Variants in TRRAP observed in about 807,000 individuals in gnomAD.
TRRAP encodes the protein transformation/transcription domain associated protein.
TRRAP carries 41 observed loss-of-function variants against 438.8 expected under a neutral mutation model. The ratio of observed to expected loss-of-function variants is 0.09; its 90% confidence interval spans 0.07 to 0.12. TRRAP has a LOEUF of 0.12. TRRAP is among the 10% of genes least tolerant of loss of function. The probability of loss-of-function intolerance (pLI) is 1.00; values close to 1 mark genes in which losing one functional copy is unlikely to be tolerated. For synonymous variants in TRRAP, 1,994 were observed against 1,962.9 expected, an observed-to-expected ratio of 1.02 and a Z score of -0.42; for missense variants, 3,122 against 5,055.1, an observed-to-expected ratio of 0.62 and a Z score of 11.60.
In TRRAP at chr7:98,956,239, C is replaced by T. The variant is rs1479861721; in HGVS notation, c.6031C>T (p.Arg2011Trp). ...FTPSVTIEQRRLAVDLSEVVI... is the reference protein window; with the variant it reads ...FTPSVTIEQRWLAVDLSEVVI... ...GCCCAGTGTCACCATCGAGCAGAGG[C>T]GGCTGGCCGTGGACCTGTCTGAAGT... The change falls in exon 42 of 73, where the codon CGG (arginine) becomes TGG (tryptophan). Residue 2011 changes from arginine (R) to tryptophan (W), a missense_variant. Transcript: ENST00000456197. This position sits in a 1 kb window ranked among gnomAD's most constrained non-coding sequence, Gnocchi z 4.5. 1.2e-6 allele frequency: 2 copies of T among 1,613,966 alleles called. No individual in the cohort carries two copies. Among genetic ancestry groups the T allele is most frequent in the Non-Finnish European group, 1.7e-6 (2 of 1,180,050 alleles).
At chr7:98,988,520 G>A (rs1225973710) in intron 62 of TRRAP, among the ~76,000 whole-genome samples, 1 of 152,160 alleles carries the variant, frequency 6.6e-6, no homozygotes, top group Non-Finnish European at 1.5e-5. Flanking sequence ...AAGATCACAT[G>A]GTGTATGATT....
intron 30 of TRRAP, among the ~76,000 whole-genome samples, chr7:98,938,869 C>T (rs1436400911): frequency 6.6e-6 from 1 of 152,142 alleles, no homozygotes; most frequent in Non-Finnish European, 1.5e-5. Flanking sequence ...AAATTGCTCT[C>T]CAAAGAAATT....
intron 56 of TRRAP, among the ~76,000 whole-genome samples, chr7:98,977,622 C>T (rs1054388606): frequency 2.0e-5 from 3 of 152,204 alleles, no homozygotes; most frequent in African/African-American, 7.2e-5. Flanking sequence ...TTTTCCCTCC[C>T]GTCGTTGGTC....
chr7:98,943,156 A>G (rs1411565105), intron 31 of TRRAP, 139 bp downstream of exon 31: 6 of 777,002 alleles, frequency 7.7e-6, no homozygotes, highest in Middle Eastern at 3.7e-4. Flanking sequence ...TGTTAAACAC[A>G]TTTGATTGGT....
In TRRAP at chr7:98,965,692, G is replaced by A. The variant is rs185310254; in HGVS notation, c.6977-4G>A. The A allele has an allele frequency of 5.6e-6, 9 of 1,613,970 alleles. No homozygotes were observed. The East Asian group carries it at 1.8e-4, about 32-fold the overall frequency. The stretch of plus-strand genomic sequence containing the variant: ...GTGGGTTTGTTCTTAATTGGGGCGA[G>A]CAGGTACAAGCGAGCTGGTGATGCT... On this transcript the variant is annotated splice_region_variant and splice_polypyrimidine_tract_variant and intron_variant, in intron 48 of 72. Coordinates refer to ENST00000456197, the MANE Select transcript of TRRAP (RefSeq NM_001375524.1).
chr7:98,881,337 C>T, intron 2 of TRRAP, 87 bp downstream of exon 2: 1 of 1,257,224 alleles, frequency 8.0e-7, no homozygotes, highest in South Asian at 1.6e-5. Context: ...CTTTGGGAGG[C>T]CGAGGCGGGT....
In TRRAP at chr7:98,910,281, C is replaced by G. The variant is rs1554408510; in HGVS notation, c.1576C>G (p.Pro526Ala). The change falls in exon 15 of 73, where the codon CCC (proline) becomes GCC (alanine). Residue 526 changes from proline to alanine, a missense_variant. By Grantham distance (27) the Pro-to-Ala change is conservative. Transcript: ENST00000456197. ...CCCTGTGACCCCGGCCCCCGTGCCT[C>G]CCTTCGAGAAGCAAGGAGAAAAGGA... is the stretch of plus-strand genomic sequence containing the variant. The part of the protein sequence containing the change: ...ATPVTPAPVP[P>A]FEKQGEKDKE... The G allele has an allele frequency of 1.2e-6, 2 of 1,602,646 alleles. No individual in the cohort carries two copies. Among genetic ancestry groups the G allele is most frequent in the Admixed American group, 1.7e-5 (1 of 59,606 alleles).
chr7:98,969,553 G>A (rs539251241), intron 51 of TRRAP, among the ~76,000 whole-genome samples: 6 of 152,372 alleles, frequency 3.9e-5, no homozygotes, highest in Admixed American at 6.5e-5. Context: ...CCCAGTGGGT[G>A]CTCAGGGAAT....
chr7:98,883,447 A>G (rs1298368260), intron 3 of TRRAP, among the ~76,000 whole-genome samples: 22 of 152,194 alleles, frequency 1.4e-4, no homozygotes, highest in African/African-American at 4.8e-4. Flanking sequence ...TCTAGTATTA[A>G]AGCCAACATT....
intron 64 of TRRAP, among the ~76,000 whole-genome samples, 171 bp from the exon 65 acceptor site, chr7:98,991,965 CT>C (rs1259510318): frequency 6.6e-6 from 1 of 152,206 alleles, no homozygotes; most frequent in Non-Finnish European, 1.5e-5. Context: ...ATTTTGCCTG[CT>C]GTTGAACCTG....
At chr7:98,895,880 G>A in intron 7 of TRRAP, 60 bp downstream of exon 7, 2 of 1,396,064 alleles carry the variant, frequency 1.4e-6, no homozygotes, top group South Asian at 1.3e-5. Context: ...ATTCCAAAAA[G>A]ACTTTAGAAC....
Position 98,993,457 on chromosome 7 carries a change from G to C in TRRAP, c.9848-81G>C, listed in dbSNP as rs73711462. 5.7e-4 allele frequency: 829 copies of C among 1,456,466 alleles called. 3 individuals carry two copies. The African/African-American group carries it at 0.011, about 19-fold the overall frequency. The allele number at this position is 1,456,466 out of a possible 1,614,324, so 90.2% of individuals were successfully genotyped here. A position where few individuals can be genotyped will look rare whatever the true frequency, so the allele number is the denominator to read the frequency against. Reference sequence around the variant, plus strand: ...CGCCGGCAGGAACCAGCGCTCCTTTGGCCCATGGGTCCTGCAGCGCTCCGA... The same window carrying C: ...CGCCGGCAGGAACCAGCGCTCCTTTCGCCCATGGGTCCTGCAGCGCTCCGA... On this transcript the variant is annotated intron_variant, in intron 65 of 72. Transcript: ENST00000456197.
chr7:98,978,603 G>C (rs1443055812), intron 57 of TRRAP, among the ~76,000 whole-genome samples, 166 bp from the exon 58 acceptor site: 2 of 152,180 alleles, frequency 1.3e-5, no homozygotes, highest in Admixed American at 1.3e-4. Flanking sequence ...TGGGCAGGGG[G>C]CTCTCCCCAC....
chr7:98,933,142 T>C, intron 26 of TRRAP, 99 bp from the exon 27 acceptor site: 1 of 1,425,930 alleles, frequency 7.0e-7, no homozygotes, highest in East Asian at 2.5e-5. Flanking sequence ...AAGATATCTG[T>C]AATAACTTTG....
At chr7:98,940,315 A>G (rs1345954137) in intron 30 of TRRAP, among the ~76,000 whole-genome samples, 1 of 151,824 alleles carries the variant, frequency 6.6e-6, no homozygotes, top group Non-Finnish European at 1.5e-5. Flanking sequence ...CAGCCTCCCA[A>G]GTAGCTGGGA....
intron 30 of TRRAP, 123 bp downstream of exon 30, chr7:98,937,943 G>A (rs1790627897): frequency 1.8e-6 from 2 of 1,124,244 alleles, no homozygotes; most frequent in East Asian, 3.0e-5. Flanking sequence ...GGGAGGCCGA[G>A]GTGGGTGGAT....
Position 98,911,283 on chromosome 7 carries a change from CTT to C in TRRAP, c.2007+18_2007+19del. 6.3e-7 allele frequency: 1 copy of C among 1,589,980 alleles called. No individual in the cohort carries two copies. The highest frequency in any genetic ancestry group is 8.6e-7 in the Non-Finnish European group (1 of 1,167,374). ...ATTATGCTCTTCAGGTATAAAACTC[CTT>C]TTTTTATGTTGTTTGAACATTACAA... On this transcript the variant is annotated intron_variant, in intron 17 of 72. Transcript: ENST00000456197.
In TRRAP at chr7:99,011,956, CTGGCCCTTGG is replaced by C; in HGVS notation, c.11338-107_11338-98del. Reference sequence around the variant, plus strand: ...AGCCTGGCCTGGTGCTGAAACTCGACTGGCCCTTGGTGGCCCTGAGCGGCCGCTGTGGTTG... The same window carrying C: ...AGCCTGGCCTGGTGCTGAAACTCGACTGGCCCTGAGCGGCCGCTGTGGTTG... On this transcript the variant is annotated intron_variant, in intron 72 of 72. Coordinates refer to ENST00000456197, the MANE Select transcript of TRRAP (RefSeq NM_001375524.1). The surrounding 1 kb of genome is among the most constrained non-coding windows in gnomAD (Gnocchi z 7.1). 1 of 1,358,276 alleles carries C rather than the reference CTGGCCCTTGG, an allele frequency of 7.4e-7. No homozygotes were observed. 84.1% of individuals were successfully genotyped at this position (1,358,276 alleles called of 1,614,324 possible).
Position 98,955,115 on chromosome 7 carries a change from C to A in TRRAP, c.5748C>A (p.Leu1916=), listed in dbSNP as rs1448497009. Residue 1916 remains leucine (L), a synonymous_variant, in exon 41 of 73, where the codon CTC becomes CTA. Coordinates refer to ENST00000456197, the MANE Select transcript of TRRAP (RefSeq NM_001375524.1). ...TGTTTTAGGTTTTTCATAGTCTCCT[C>A]AAGGCTCACGCAATGGAAGCTCGAG... The part of the protein sequence containing the change: ...KIVLQVFHSL[L]KAHAMEARAI... 6.2e-7 allele frequency: 1 copy of A among 1,614,028 alleles called. No individual in the cohort carries two copies. The highest frequency in any genetic ancestry group is 2.2e-5 in the East Asian group (1 of 44,894).
Sources: allele counts gnomAD v4.1 joint callset (sites outside exome capture counted in the v4.1 genomes callset), GRCh38; gene constraint gnomAD v4.1.1; non-coding constraint Gnocchi (gnomAD v3.1); transcripts MANE v1.5; gene names NCBI Gene and HGNC (gene_info 2026-07-23, HGNC 2026-07-21).